MACROD2: variants seen among roughly 807,000 people sequenced by gnomAD.
MACROD2 encodes ADP-ribose glycohydrolase MACROD2.
In MACROD2, 36 loss-of-function variants were observed where a neutral mutation model predicts 70.4. The ratio of observed to expected loss-of-function variants is 0.51; its 90% CI spans 0.39 to 0.68. The LOEUF is 0.68. Ranked by LOEUF, MACROD2 falls within the 30% of genes least tolerant of loss-of-function variation. The pLI, the probability that MACROD2 is intolerant of heterozygous loss-of-function variation, is 0.00. For synonymous variants in MACROD2, 172 were observed against 178.8 expected (o/e 0.96, Z 0.30); for missense variants, 496 against 538.4 (o/e 0.92, Z 0.78).
intron 3 of MACROD2, among the ~76,000 whole-genome samples, chr20:14,123,801 G>C (rs1010378324): frequency 6.6e-6 from 1 of 152,166 alleles, no homozygotes; most frequent in South Asian, 2.1e-4. Flanking sequence ...ATAGTGAAGA[G>C]AGTAAGTAAA....
chr20:14,106,443 G>C (rs1326654998), intron 3 of MACROD2, among the ~76,000 whole-genome samples: 1 of 152,184 alleles, frequency 6.6e-6, no homozygotes, highest in East Asian at 1.9e-4. Context: ...TAAGGTTTTT[G>C]ACTACAGTCC....
At chr20:14,481,550 T>TA (rs1426738721) in intron 3 of MACROD2, among the ~76,000 whole-genome samples, 1 of 152,226 alleles carries the variant, frequency 6.6e-6, no homozygotes, top group Non-Finnish European at 1.5e-5. Flanking sequence ...AACTTTGGTT[T>TA]AAAAACCAGT....
intron 5 of MACROD2, among the ~76,000 whole-genome samples, chr20:14,908,985 C>G (rs1191448000): frequency 6.6e-6 from 1 of 152,094 alleles, no homozygotes; most frequent in Non-Finnish European, 1.5e-5. Flanking sequence ...TTTGAAGTGT[C>G]TATGGGTTAG....
intron 8 of MACROD2, among the ~76,000 whole-genome samples, chr20:15,801,577 A>C (rs1432754032): frequency 6.6e-6 from 1 of 151,988 alleles, no homozygotes; most frequent in Non-Finnish European, 1.5e-5. Flanking sequence ...TTTTTATACC[A>C]GTACCATGGT....
chr20:14,993,026 A>G (rs531533020), intron 5 of MACROD2, among the ~76,000 whole-genome samples: 1 of 152,148 alleles, frequency 6.6e-6, no homozygotes, highest in Non-Finnish European at 1.5e-5. Context: ...AATAGACTGC[A>G]TTCTCTTTCT....
chr20:14,496,451 G>A (rs1205826636), intron 4 of MACROD2, among the ~76,000 whole-genome samples: 1 of 152,068 alleles, frequency 6.6e-6, no homozygotes, highest in Non-Finnish European at 1.5e-5. Context: ...GTTCTTTTCT[G>A]AGTGCTTACC....
chr20:15,149,440 A>G (rs1257314091), intron 5 of MACROD2, among the ~76,000 whole-genome samples: 1 of 151,986 alleles, frequency 6.6e-6, no homozygotes. Flanking sequence ...CAGGTGGATC[A>G]GAGAGATGCA....
At chr20:15,406,969 T>C (rs2046010893) in intron 6 of MACROD2, among the ~76,000 whole-genome samples, 2 of 152,192 alleles carry the variant, frequency 1.3e-5, no homozygotes, top group Non-Finnish European at 2.9e-5. Context: ...GCAAGGCTGT[T>C]CCCCTTAGTA....
chr20:14,681,309 C>A (rs900621629), intron 4 of MACROD2, among the ~76,000 whole-genome samples: 1 of 152,082 alleles, frequency 6.6e-6, no homozygotes, highest in Non-Finnish European at 1.5e-5. Flanking sequence ...ATGGTTTATA[C>A]AAGTATGCAG....
chr20:14,482,856 T>C (rs1267447705), intron 3 of MACROD2, among the ~76,000 whole-genome samples: 3 of 152,200 alleles, frequency 2.0e-5, no homozygotes, highest in Non-Finnish European at 2.9e-5. Flanking sequence ...GCTTCTCTTA[T>C]GGGAGGTGCT....
At chr20:14,033,270 TATTTC>T (rs1446127591) in intron 2 of MACROD2, among the ~76,000 whole-genome samples, 2 of 152,120 alleles carry the variant, frequency 1.3e-5, no homozygotes, top group African/African-American at 4.8e-5. Context: ...CTAGATTCTT[TATTTC>T]ATTATTCCCC....
At chr20:14,007,175 G>A (rs1162844802) in intron 2 of MACROD2, among the ~76,000 whole-genome samples, 1 of 150,792 alleles carries the variant, frequency 6.6e-6, no homozygotes, top group African/African-American at 2.4e-5. Flanking sequence ...TTATTTATTT[G>A]TCAGACTTCT....
chr20:15,421,931 G>C (rs1454589107), intron 6 of MACROD2, among the ~76,000 whole-genome samples: 1 of 152,222 alleles, frequency 6.6e-6, no homozygotes, highest in Non-Finnish European at 1.5e-5. Flanking sequence ...TCTTCGAGGA[G>C]GTGACATTTG....
chr20:14,435,281 T>A (rs2084043721), intron 3 of MACROD2, among the ~76,000 whole-genome samples: 1 of 152,168 alleles, frequency 6.6e-6, no homozygotes, highest in Non-Finnish European at 1.5e-5. Flanking sequence ...TGTCTCCTAA[T>A]AGGACAATTG....
chr20:15,438,250 C>T (rs1248599351), intron 7 of MACROD2, among the ~76,000 whole-genome samples: 1 of 152,052 alleles, frequency 6.6e-6, no homozygotes, highest in East Asian at 1.9e-4. Context: ...TTTGAGGAGT[C>T]GCCATACTAC....
intron 3 of MACROD2, among the ~76,000 whole-genome samples, chr20:14,194,887 A>G (rs969940284): frequency 1.4e-4 from 22 of 152,198 alleles, no homozygotes; most frequent in African/African-American, 4.8e-4. Context: ...TTTATCTAGC[A>G]TTATTAGATG....
intron 7 of MACROD2, among the ~76,000 whole-genome samples, chr20:15,473,846 A>G (rs562547771): frequency 2.0e-5 from 3 of 152,316 alleles, no homozygotes; most frequent in South Asian, 4.1e-4. Context: ...ATGTTTTTCA[A>G]TAGCACACTC....
intron 5 of MACROD2, among the ~76,000 whole-genome samples, chr20:15,087,238 AT>A (rs1303971715): frequency 2.6e-5 from 4 of 152,068 alleles, no homozygotes; most frequent in African/African-American, 9.7e-5. Context: ...CTTAAAGACA[AT>A]TCAAATAACT....
intron 4 of MACROD2, among the ~76,000 whole-genome samples, chr20:14,577,648 G>A (rs1980686547): frequency 6.6e-6 from 1 of 152,008 alleles, no homozygotes; most frequent in Non-Finnish European, 1.5e-5. Context: ...CAGGCATGGT[G>A]GTGTGTGTCT....
Sources: allele counts gnomAD v4.1 joint callset (sites outside exome capture counted in the v4.1 genomes callset), GRCh38; gene constraint gnomAD v4.1.1; transcripts MANE v1.5; gene names NCBI Gene and HGNC (gene_info 2026-07-23, HGNC 2026-07-21).